The following MACF1 variants were observed in gnomAD, a reference collection of about 807,000 sequenced individuals.
MACF1 encodes the protein microtubule-actin cross-linking factor 1.
In MACF1, 193 loss-of-function variants were observed where a neutral mutation model predicts 854.8. The ratio of observed to expected loss-of-function variants is 0.23; its 90% CI spans 0.20 to 0.25. The LOEUF (loss-of-function observed/expected upper bound fraction) is 0.25. Among genes scored for constraint, MACF1 ranks in the 10% least tolerant of loss-of-function variants. MACF1 has a pLI of 1.00. For missense variants in MACF1, 7,722 were observed against 8,929.1 expected, an observed-to-expected ratio of 0.86 and a Z score of 5.45; for synonymous variants, 3,185 against 3,226.7, an observed-to-expected ratio of 0.99 and a Z score of 0.44.
Position 39,283,488 on chromosome 1 carries a change from T to A in MACF1, c.888T>A (p.Pro296=). The part of the protein sequence containing the change: ...SSIYDAFPKV[P]EGGEGISATE... Reference sequence around the variant, plus strand: ...TTTATGATGCCTTCCCTAAAGTTCCTGAGGGTGGAGAAGGGATCAGTGCTA... The same window carrying A: ...TTTATGATGCCTTCCCTAAAGTTCCAGAGGGTGGAGAAGGGATCAGTGCTA... Residue 296 remains proline (P), a synonymous_variant, in exon 9 of 101, where the codon CCT becomes CCA. Coordinates refer to ENST00000564288, the MANE Select transcript of MACF1 (RefSeq NM_001394062.1). This position sits in a 1 kb window ranked among gnomAD's most constrained non-coding sequence, Gnocchi z 4.5. The A allele has an allele frequency of 6.2e-7, 1 of 1,610,410 alleles. No individual in the cohort carries two copies. Among genetic ancestry groups the A allele is most frequent in the Non-Finnish European group, 8.5e-7 (1 of 1,176,586 alleles).
intron 1 of MACF1, among the ~76,000 whole-genome samples, chr1:39,220,184 AT>A (rs891119841): frequency 4.6e-5 from 7 of 150,884 alleles, no homozygotes; most frequent in East Asian, 2.0e-4. Flanking sequence ...TGAAAAAAAA[AT>A]TTTTTTTTGA....
chr1:39,476,266 T>C (rs964013308), intron 97 of MACF1, among the ~76,000 whole-genome samples: 2 of 152,102 alleles, frequency 1.3e-5, no homozygotes, highest in Non-Finnish European at 2.9e-5. Context: ...CCCCAGAAAA[T>C]CTACATGTAG....
chr1:39,464,894 AC>A (rs1644631212), intron 94 of MACF1, 200 bp from the exon 95 acceptor site: 2 of 529,844 alleles, frequency 3.8e-6, no homozygotes, highest in East Asian at 6.7e-5. Flanking sequence ...AGCCTGGGCA[AC>A]AGAGCGAGAC....
chr1:39,318,516 C>A lies in MACF1; in HGVS notation c.3846C>A (p.Leu1282=). ...LGDYRACHGT[L]IKWIEETTAQ... Reference sequence around the variant, plus strand: ...ATTACCGAGCCTGCCATGGAACTCTCATCAAGTGGATTGAGGAAACCACTG... The same window carrying A: ...ATTACCGAGCCTGCCATGGAACTCTAATCAAGTGGATTGAGGAAACCACTG... Residue 1282 remains leucine, a synonymous_variant, in exon 30 of 101, where the codon CTC becomes CTA. Transcript: ENST00000564288. 6.2e-7 allele frequency: 1 copy of A among 1,614,090 alleles called. No individual in the cohort carries two copies. Among genetic ancestry groups the A allele is most frequent in the Non-Finnish European group, 8.5e-7 (1 of 1,179,988 alleles).
chr1:39,433,970 C>T lies in MACF1; in HGVS notation c.17566-444C>T, dbSNP rs1643919212. ...CAGTGGGAACCTGTAATCCCAGCTA[C>T]TTGGGAAGCTGAGGCAGGAGAATCC... On this transcript the variant is annotated intron_variant, in intron 68 of 100. Coordinates refer to ENST00000564288, the MANE Select transcript of MACF1 (RefSeq NM_001394062.1). 2.0e-5 allele frequency among the ~76,000 whole-genome samples: 3 copies of T among 152,118 alleles called. No individual in the cohort carries two copies. In the South Asian group the frequency reaches 6.2e-4, roughly 32 times the overall value.
In MACF1 at chr1:39,331,780, A is replaced by G. The variant is rs751952475; in HGVS notation, c.5192A>G (p.Lys1731Arg). 2.8e-5 allele frequency: 45 copies of G among 1,614,044 alleles called. No individual in the cohort carries two copies. The highest frequency in any genetic ancestry group is 3.7e-5 in the Non-Finnish European group (44 of 1,180,040). ...QESGFKLLPV[K>R]QLAGGMVSLK... ...TCAGGATTCAAATTACTGCCTGTCA[A>G]ACAATTGGCAGGGGGGATGGTGAGC... is the stretch of plus-strand genomic sequence containing the variant. The change falls in exon 37 of 101, where the codon AAA (lysine) becomes AGA (arginine). Residue 1731 changes from lysine (K) to arginine (R), a missense_variant. Physicochemically the swap from Lys to Arg is conservative, Grantham distance 26. Coordinates refer to ENST00000564288, the MANE Select transcript of MACF1 (RefSeq NM_001394062.1).
In MACF1 at chr1:39,460,516, T is replaced by C; in HGVS notation, c.21361-116T>C. On this transcript the variant is annotated intron_variant, in intron 91 of 100. Coordinates refer to ENST00000564288, the MANE Select transcript of MACF1 (RefSeq NM_001394062.1). This position sits in a 1 kb window ranked among gnomAD's most constrained non-coding sequence, Gnocchi z 4.1. ...AAAGAAGCAAACACATAGATTTCAT[T>C]GTTGATGGCCCCTGGAAGCATGGCT... The C allele has an allele frequency of 1.2e-6, 1 of 846,580 alleles. No individual in the cohort carries two copies. The highest frequency in any genetic ancestry group is 1.9e-6 in the Non-Finnish European group (1 of 527,070). 52.4% of individuals were successfully genotyped at this position (846,580 alleles called of 1,614,324 possible). A position where few individuals can be genotyped will look rare whatever the true frequency, so the allele number is the denominator to read the frequency against.
intron 58 of MACF1, among the ~76,000 whole-genome samples, chr1:39,393,196 A>AAAAAAAAAAAAAAAATATAT (rs57576149): frequency 1.5e-5 from 1 of 66,574 alleles, no homozygotes; most frequent in African/African-American, 8.4e-5. Flanking sequence ...AAAAAAAAAA[A>AAAAAAAAAAAAAAAATATAT]ATATATATAT....
At chr1:39,427,353 A>T in intron 61 of MACF1, 102 bp from the exon 62 acceptor site, 1 of 1,009,666 alleles carries the variant, frequency 9.9e-7, no homozygotes, top group Non-Finnish European at 1.5e-6. Flanking sequence ...ATTGGTATTT[A>T]AACTATACCT....
At chr1:39,163,390 G>A (rs66531516) in intron 2 of MACF1, among the ~76,000 whole-genome samples, 23,552 of 147,056 alleles carry the variant, frequency 0.16, 2,339 homozygotes, top group Middle Eastern at 0.23. Flanking sequence ...AAACTCCATA[G>A]TCATTTTATA....
At chr1:39,302,157 C>T (rs1016682651) in intron 22 of MACF1, among the ~76,000 whole-genome samples, 8 of 152,050 alleles carry the variant, frequency 5.3e-5, no homozygotes, top group African/African-American at 1.7e-4. Context: ...CTACTATACC[C>T]GGCTAATTTT....
chr1:39,265,849 C>T (rs1645224658), intron 6 of MACF1, among the ~76,000 whole-genome samples: 1 of 152,312 alleles, frequency 6.6e-6, no homozygotes, highest in Non-Finnish European at 1.5e-5. Context: ...AAGAAATTTA[C>T]TGTAGGTCAA....
intron 1 of MACF1, among the ~76,000 whole-genome samples, chr1:39,219,064 AGC>A (rs1644616349): frequency 6.6e-6 from 1 of 152,190 alleles, no homozygotes; most frequent in Non-Finnish European, 1.5e-5. Flanking sequence ...TACAGGCATG[AGC>A]CATCACACCC....
Position 39,387,826 on chromosome 1 carries a change from C to G in MACF1, c.14984C>G (p.Thr4995Arg). The change falls in exon 58 of 101, where the codon ACA becomes AGA. Residue 4995 changes from threonine (T) to arginine (R), a missense_variant. This residue lies in a region of MACF1 where 2,807 missense variants were observed against 3,235.8 expected (regional missense o/e 0.87). Transcript: ENST00000564288. ...ATCAACCAGAACATGGATGCTGTTA[C>G]AGAAGAGCTGCAGGCCAAAACAGGG... Reference protein sequence around the residue: ...AGINQNMDAVTEELQAKTGSL... With the variant: ...AGINQNMDAVREELQAKTGSL... The G allele has an allele frequency of 6.2e-7, 1 of 1,614,110 alleles. No individual in the cohort carries two copies. The highest frequency in any genetic ancestry group is 8.5e-7 in the Non-Finnish European group (1 of 1,180,026).
chr1:39,293,333 G>C (rs1571282293), intron 17 of MACF1, 125 bp from the exon 18 acceptor site: 1 of 901,602 alleles, frequency 1.1e-6, no homozygotes, highest in East Asian at 2.5e-5. Flanking sequence ...TGAATCCATG[G>C]GGAAAAATCC....
intron 2 of MACF1, among the ~76,000 whole-genome samples, chr1:39,141,447 C>T (rs1643344137): frequency 6.6e-6 from 1 of 152,188 alleles, no homozygotes; most frequent in African/African-American, 2.4e-5. Context: ...ACTCAAGCTG[C>T]TGAGGTTTGA....
At chr1:39,287,623 C>A in intron 15 of MACF1, 61 bp downstream of exon 15, 1 of 1,569,638 alleles carries the variant, frequency 6.4e-7, no homozygotes, top group South Asian at 1.1e-5. Flanking sequence ...GGAAGCTTAT[C>A]TAAGAGGACC....
At chr1:39,337,406 A>G (rs1260960156) in intron 38 of MACF1, 75 bp downstream of exon 38, 1 of 1,484,354 alleles carries the variant, frequency 6.7e-7, no homozygotes, top group Non-Finnish European at 9.2e-7. Context: ...AGATTTCAAG[A>G]CTTACTAGAA....
chr1:39,387,141 C>A, intron 57 of MACF1, 46 bp from the exon 58 acceptor site: 2 of 1,578,710 alleles, frequency 1.3e-6, no homozygotes, highest in South Asian at 1.2e-5. Flanking sequence ...ATTTTAAATG[C>A]CAGGGTTCAG....
Sources: gnomAD v4.1 joint callset for allele counts (sites outside exome capture counted in the v4.1 genomes callset) on GRCh38, gnomAD v4.1.1 for gene constraint, gnomAD v4.1.1 regional missense constraint, Gnocchi (gnomAD v3.1) non-coding constraint, MANE v1.5 for transcripts, NCBI Gene and HGNC (gene_info 2026-07-23, HGNC 2026-07-21) for gene names.